The following FAM199X variants were observed in gnomAD, a reference collection of about 807,000 sequenced individuals.
The protein encoded by FAM199X is family with sequence similarity 199, X-linked.
A neutral mutation model predicts 22.9 loss-of-function variants in FAM199X; 4 were observed. The observed-to-expected ratio is 0.17, with a 90% CI of 0.09 to 0.40. The LOEUF is 0.40. Ranked by LOEUF, FAM199X falls within the 10% of genes least tolerant of loss-of-function variation. The pLI is 1.00. For synonymous variants in FAM199X, 101 were observed against 112.3 expected (o/e 0.90, Z 0.64); for missense variants, 183 against 306.8 (o/e 0.60, Z 3.01).
chrX:104,169,225 C>T (rs2147888921), intron 1 of FAM199X, among the ~76,000 whole-genome samples: 1 of 111,871 alleles, frequency 8.9e-6, no homozygotes, highest in South Asian at 3.7e-4. Flanking sequence ...TTTTCCTTCA[C>T]ATCACATCAT....
chrX:104,171,257 C>A (rs782616808), intron 1 of FAM199X, among the ~76,000 whole-genome samples: 1 of 110,663 alleles, frequency 9.0e-6, no homozygotes, highest in South Asian at 3.8e-4. Context: ...ATGTTCTTGG[C>A]TTTATTTTTT....
At chrX:104,180,164 A>G (rs782601276) in intron 2 of FAM199X, among the ~76,000 whole-genome samples, 1 of 107,144 alleles carries the variant, frequency 9.3e-6, no homozygotes, top group Admixed American at 1.0e-4. Flanking sequence ...ATTTTTTTGT[A>G]GAGACGGGGT....
chrX:104,182,749 C>G (rs1921694035), intron 2 of FAM199X, among the ~76,000 whole-genome samples: 1 of 111,660 alleles, frequency 9.0e-6, no homozygotes, highest in African/African-American at 3.3e-5. Context: ...ATGTGACATT[C>G]TCTGAGGGAT....
intron 2 of FAM199X, among the ~76,000 whole-genome samples, chrX:104,179,805 A>G (rs782541431): frequency 1.1e-4 from 12 of 110,369 alleles, no homozygotes; most frequent in Non-Finnish European, 2.3e-4. Context: ...CATAAGGGAT[A>G]TTGGTCTGCA....
At position 104,190,089 on chromosome X, in the gene FAM199X, T is replaced by C; in HGVS notation, c.*311T>C. ...CAGTCTAGTTTAAGAACCACTACTT[T>C]GGGTAAACGTTTTGACTGTTTAAAG... On this transcript the variant is annotated 3_prime_UTR_variant, in exon 6 of 6. Transcript: ENST00000493442. 1 of 207,422 alleles carries C rather than the reference T, an allele frequency of 4.8e-6. No homozygotes were observed. The highest frequency in any genetic ancestry group is 8.7e-6 in the Non-Finnish European group (1 of 114,389). 17.1% of individuals were successfully genotyped at this position (207,422 alleles called of 1,213,427 possible).
chrX:104,195,628 G>C lies in FAM199X; in HGVS notation c.*5850G>C, dbSNP rs782514117. 3 of 111,317 alleles carry C rather than the reference G, an allele frequency of 2.7e-5. No individual in the cohort carries two copies. In the East Asian group the frequency reaches 8.5e-4, roughly 32 times the overall value. The allele number at this position is 111,317 out of a possible 1,213,427, so 9.2% of individuals were successfully genotyped here. A position where few individuals can be genotyped will look rare whatever the true frequency, so the allele number is the denominator to read the frequency against. On this transcript the variant is annotated 3_prime_UTR_variant, in exon 6 of 6. Transcript: ENST00000493442. ...AGAAGAAATGTCTGAGCAGTTCTATGTATGGAGGAGCAATTCAGCTTTTCA... is the reference window on the plus strand; with the variant it reads ...AGAAGAAATGTCTGAGCAGTTCTATCTATGGAGGAGCAATTCAGCTTTTCA...
chrX:104,167,490 C>T (rs782468217), intron 1 of FAM199X, among the ~76,000 whole-genome samples: 23 of 110,012 alleles, frequency 2.1e-4, no homozygotes, highest in African/African-American at 6.6e-4. Flanking sequence ...AGTCCTGTTC[C>T]CCCCGCCGCC....
upstream of FAM199X, among the ~76,000 whole-genome samples, chrX:104,164,887 TATAAA>T (rs111511079): frequency 5.5e-4 from 61 of 111,463 alleles, 1 homozygote; most frequent in Middle Eastern, 4.6e-3. Flanking sequence ...CTCAAAAAAA[TATAAA>T]ATAAAATAAA....
At chrX:104,172,905 T>C (rs1283039782) in intron 1 of FAM199X, among the ~76,000 whole-genome samples, 1 of 112,021 alleles carries the variant, frequency 8.9e-6, no homozygotes, top group Non-Finnish European at 1.9e-5. Context: ...ACATGTAATT[T>C]GAAGACACAA....
intron 5 of FAM199X, among the ~76,000 whole-genome samples, chrX:104,188,854 C>A (rs1273494783): frequency 9.1e-6 from 1 of 110,224 alleles, no homozygotes; most frequent in Non-Finnish European, 1.9e-5. Context: ...TTAGAATGGT[C>A]CTGTGGCTTA....
intron 4 of FAM199X, among the ~76,000 whole-genome samples, chrX:104,187,368 C>T (rs1455520419): frequency 8.9e-6 from 1 of 112,115 alleles, no homozygotes; most frequent in Non-Finnish European, 1.9e-5. Flanking sequence ...AGGCGTGAGC[C>T]GCTGCACCTG....
intron 1 of FAM199X, among the ~76,000 whole-genome samples, chrX:104,172,355 C>A (rs1401031945): frequency 1.9e-5 from 2 of 107,749 alleles, no homozygotes; most frequent in Non-Finnish European, 3.8e-5. Flanking sequence ...GGAGGTCAAG[C>A]CTGCAGTGAG....
intron 2 of FAM199X, among the ~76,000 whole-genome samples, chrX:104,179,610 CT>C (rs1602518346): frequency 9.0e-6 from 1 of 111,537 alleles, no homozygotes; most frequent in Non-Finnish European, 1.9e-5. Flanking sequence ...AGTTTTCCTT[CT>C]TTTTTCCTAA....
chrX:104,159,100 G>A, the FAM199X span, among the ~76,000 whole-genome samples: 4 of 112,148 alleles, frequency 3.6e-5, no homozygotes, highest in Non-Finnish European at 7.5e-5. Context: ...GAAAGTGTCA[G>A]TGTAAGGGGT....
rs1921895060 is a variant in FAM199X, at chrX:104,189,889, T to C, written c.*111T>C. ...TAGGGCTGTGCTGATGTACCATTAA[T>C]AATTTAAGCCAGTGGTTCTTGGCAG... On this transcript the variant is annotated 3_prime_UTR_variant, in exon 6 of 6. Transcript: ENST00000493442. 3.9e-6 allele frequency: 3 copies of C among 766,032 alleles called. No homozygotes were observed. The highest frequency in any genetic ancestry group is 1.9e-6 in the Non-Finnish European group (1 of 534,329). The allele number at this position is 766,032 out of a possible 1,213,427, so 63.1% of individuals were successfully genotyped here. A position where few individuals can be genotyped will look rare whatever the true frequency, so the allele number is the denominator to read the frequency against.
At chrX:104,163,666 T>A (rs1921089614), upstream of FAM199X, among the ~76,000 whole-genome samples, 2 of 110,141 alleles carry the variant, frequency 1.8e-5, no homozygotes, top group Non-Finnish European at 3.8e-5. Context: ...TATTTCTCAC[T>A]GAGAAATATA....
At chrX:104,181,422 A>G (rs1243979646) in intron 2 of FAM199X, among the ~76,000 whole-genome samples, 2 of 112,063 alleles carry the variant, frequency 1.8e-5, no homozygotes, top group Admixed American at 9.5e-5. Context: ...CCAGTTGACT[A>G]CTTGACATTT....
chrX:104,186,412 G>C, intron 3 of FAM199X, 48 bp from the exon 4 acceptor site: 2 of 1,163,843 alleles, frequency 1.7e-6, no homozygotes, highest in African/African-American at 3.5e-5. Context: ...CATAATAAAG[G>C]ATCAGAAGTT....
Position 104,189,862 on chromosome X carries a change from G to A in FAM199X, c.*84G>A. On this transcript the variant is annotated 3_prime_UTR_variant, in exon 6 of 6. Coordinates refer to ENST00000493442, the MANE Select transcript of FAM199X (RefSeq NM_207318.4). Reference sequence around the variant, plus strand: ...TACATGCATCTTGACCAAAATTTTGGTTAGGGCTGTGCTGATGTACCATTA... The same window carrying A: ...TACATGCATCTTGACCAAAATTTTGATTAGGGCTGTGCTGATGTACCATTA... The A allele has an allele frequency of 2.0e-6, 2 of 1,015,513 alleles. No homozygotes were observed. Among genetic ancestry groups the A allele is most frequent in the Admixed American group, 2.6e-5 (1 of 38,578 alleles). The allele number at this position is 1,015,513 out of a possible 1,213,427, so 83.7% of individuals were successfully genotyped here. A position where few individuals can be genotyped will look rare whatever the true frequency, so the allele number is the denominator to read the frequency against.
Sources: allele counts gnomAD v4.1 joint callset (sites outside exome capture counted in the v4.1 genomes callset), GRCh38; gene constraint gnomAD v4.1.1; transcripts MANE v1.5; gene names NCBI Gene and HGNC (gene_info 2026-07-23, HGNC 2026-07-21).